The following GLI3 variants were observed in gnomAD, a reference collection of about 807,000 sequenced individuals.
GLI3 encodes GLI family zinc finger 3, also known as transcription activator GLI3.
GLI3 carries 20 observed loss-of-function variants against 100.8 expected under a neutral mutation model. The observed-to-expected ratio is 0.20, with a 90% CI of 0.14 to 0.29. The LOEUF (loss-of-function observed/expected upper bound fraction) is 0.29, where lower values mean the gene tolerates loss of function less well. Among genes scored for constraint, GLI3 ranks in the 10% least tolerant of loss-of-function variants. GLI3 has a pLI of 1.00. For synonymous variants in GLI3, 938 were observed against 860.5 expected (o/e 1.09, Z -1.58); for missense variants, 2,040 against 2,128.5 (o/e 0.96, Z 0.82).
intron 10 of GLI3, among the ~76,000 whole-genome samples, chr7:42,012,038 C>T (rs1000848500): frequency 6.6e-6 from 1 of 152,168 alleles, no homozygotes; most frequent in East Asian, 1.9e-4. Context: ...TGGTCCTCAC[C>T]GCTCGTGCCT....
intron 3 of GLI3, among the ~76,000 whole-genome samples, chr7:42,117,437 C>G (rs1247724511): frequency 1.3e-5 from 2 of 152,162 alleles, no homozygotes; most frequent in African/African-American, 4.8e-5. Context: ...CTTTTAGGAA[C>G]AGTTTTGAGA....
intron 3 of GLI3, among the ~76,000 whole-genome samples, chr7:42,143,890 T>A (rs1489364132): frequency 6.6e-6 from 1 of 152,164 alleles, no homozygotes; most frequent in African/African-American, 2.4e-5. Flanking sequence ...AGACCTGAAA[T>A]TTTTTAAAAA....
intron 2 of GLI3, among the ~76,000 whole-genome samples, chr7:42,195,954 T>C (rs977074630): frequency 2.0e-5 from 3 of 152,204 alleles, no homozygotes; most frequent in African/African-American, 7.2e-5. Context: ...TGTAATTCCT[T>C]TTTTGATCAT....
chr7:42,197,790 G>A (rs1324674756), intron 2 of GLI3, among the ~76,000 whole-genome samples: 2 of 152,188 alleles, frequency 1.3e-5, no homozygotes, highest in African/African-American at 2.4e-5. Flanking sequence ...TGGTCTGGGC[G>A]TCACAGCAGC....
intron 10 of GLI3, among the ~76,000 whole-genome samples, chr7:41,983,160 C>T (rs1431843911): frequency 6.6e-6 from 1 of 152,196 alleles, no homozygotes; most frequent in Non-Finnish European, 1.5e-5. Context: ...GACTGCTAAT[C>T]CCCAAAGTGG....
intron 1 of GLI3, among the ~76,000 whole-genome samples, chr7:42,256,506 C>T (rs1371662347): frequency 6.6e-6 from 1 of 152,062 alleles, no homozygotes; most frequent in East Asian, 1.9e-4. Flanking sequence ...ATGTGGATAT[C>T]CAAAGACTGC....
At chr7:42,113,030 G>A (rs568106076) in intron 3 of GLI3, among the ~76,000 whole-genome samples, 5 of 152,108 alleles carry the variant, frequency 3.3e-5, no homozygotes, top group South Asian at 2.1e-4. Flanking sequence ...AAAATTAGCC[G>A]AGCATGGTGG....
chr7:42,175,847 C>T (rs1042837272), intron 2 of GLI3, among the ~76,000 whole-genome samples: 2 of 152,088 alleles, frequency 1.3e-5, no homozygotes, highest in Non-Finnish European at 2.9e-5. Context: ...TAAATCCTCA[C>T]CATGAGCTTA....
intron 4 of GLI3, among the ~76,000 whole-genome samples, chr7:42,070,357 A>G (rs556166397): frequency 6.6e-6 from 1 of 152,360 alleles, no homozygotes; most frequent in East Asian, 1.9e-4. Flanking sequence ...GACAGCCAGT[A>G]ACACTGAAAA....
intron 10 of GLI3, among the ~76,000 whole-genome samples, chr7:42,019,609 C>T (rs1788878257): frequency 6.6e-6 from 1 of 151,932 alleles, no homozygotes; most frequent in Non-Finnish European, 1.5e-5. Flanking sequence ...CTCTCAGAAA[C>T]ACATTTGAAG....
intron 4 of GLI3, among the ~76,000 whole-genome samples, chr7:42,052,455 C>G (rs1394837044): frequency 6.6e-6 from 1 of 152,168 alleles, no homozygotes; most frequent in East Asian, 1.9e-4. Flanking sequence ...TAATTAAATG[C>G]AAGGGCTTTG....
At chr7:42,000,110 G>A (rs1453793479) in intron 10 of GLI3, among the ~76,000 whole-genome samples, 1 of 152,194 alleles carries the variant, frequency 6.6e-6, no homozygotes, top group Admixed American at 6.5e-5. Context: ...TTACACACAG[G>A]AAGCACGGCG....
Position 41,967,644 on chromosome 7 carries a change from G to C in GLI3, c.2383C>G (p.Pro795Ala). The change falls in exon 14 of 15, where the codon CCC becomes GCC. Residue 795 changes from proline to alanine, a missense_variant. By Grantham distance (27) the Pro-to-Ala change is conservative (BLOSUM62 -1). Coordinates refer to ENST00000395925, the MANE Select transcript of GLI3 (RefSeq NM_000168.6). ...GCAGGGGCTTTAGGGGGTAGAATGG[G>C]GTTCAGTCGCGGAAACATTCCATTC... The part of the protein sequence containing the change: ...QVNGMFPRLN[P>A]ILPPKAPAVS... 1 of 1,613,940 alleles carries C rather than the reference G, an allele frequency of 6.2e-7. No individual in the cohort carries two copies.
At chr7:42,105,058 CACTGTGAAATT>C (rs1218051065) in intron 3 of GLI3, among the ~76,000 whole-genome samples, 1 of 152,204 alleles carries the variant, frequency 6.6e-6, no homozygotes, top group Non-Finnish European at 1.5e-5. Flanking sequence ...TCCAAAGAAA[CACTGTGAAATT>C]GCCTTCATTT....
At chr7:42,010,170 G>T (rs887411126) in intron 10 of GLI3, among the ~76,000 whole-genome samples, 1 of 152,192 alleles carries the variant, frequency 6.6e-6, no homozygotes, top group Non-Finnish European at 1.5e-5. Flanking sequence ...GGGAAGCCAG[G>T]ATTGACACTC....
At chr7:42,131,841 G>A (rs942251133) in intron 3 of GLI3, among the ~76,000 whole-genome samples, 10 of 151,938 alleles carry the variant, frequency 6.6e-5, no homozygotes, top group Admixed American at 1.3e-4. Flanking sequence ...TGAAAGAAGA[G>A]GGCAGAGTAT....
chr7:42,164,860 A>G (rs1562767412), intron 2 of GLI3, among the ~76,000 whole-genome samples: 2 of 151,376 alleles, frequency 1.3e-5, no homozygotes, highest in Non-Finnish European at 2.9e-5. Context: ...AAAAATTAAA[A>G]AAATCTAAAA....
chr7:41,993,890 A>G (rs1486431424), intron 10 of GLI3, among the ~76,000 whole-genome samples: 1 of 152,142 alleles, frequency 6.6e-6, no homozygotes, highest in Non-Finnish European at 1.5e-5. Context: ...TCCACCAAGG[A>G]GGGCCTCCTT....
intron 12 of GLI3, among the ~76,000 whole-genome samples, chr7:41,973,170 T>C (rs73318094): frequency 0.049 from 7,482 of 152,312 alleles, 274 homozygotes; most frequent in African/African-American, 0.095. Flanking sequence ...CGATGGCATC[T>C]CCCATGTTAG....
Sources: gnomAD v4.1 joint callset for allele counts (sites outside exome capture counted in the v4.1 genomes callset) on GRCh38, gnomAD v4.1.1 for gene constraint, MANE v1.5 for transcripts, NCBI Gene and HGNC (gene_info 2026-07-23, HGNC 2026-07-21) for gene names.